The following TMEM132B variants were observed in gnomAD, a reference collection of about 807,000 sequenced individuals.
TMEM132B encodes transmembrane protein 132B.
A neutral mutation model predicts 90.8 loss-of-function variants in TMEM132B; 18 were observed. The observed-to-expected ratio is 0.20, with a 90% CI of 0.14 to 0.29. The LOEUF (loss-of-function observed/expected upper bound fraction) is 0.29, where lower values mean the gene tolerates loss of function less well. Ranked by LOEUF, TMEM132B falls within the 10% of genes least tolerant of loss-of-function variation. The pLI, the probability that TMEM132B is intolerant of heterozygous loss-of-function variation, is 1.00. For missense variants in TMEM132B, 1,096 were observed against 1,326.8 expected (o/e 0.83, Z 2.70); for synonymous variants, 504 against 523.3 (o/e 0.96, Z 0.50).
At chr12:125,525,994 A>G (rs1883445263) in intron 4 of TMEM132B, among the ~76,000 whole-genome samples, 1 of 152,200 alleles carries the variant, frequency 6.6e-6, no homozygotes, top group Non-Finnish European at 1.5e-5. Flanking sequence ...GCACAGGGCT[A>G]TTCCTGCTTT....
chr12:125,657,642 T>G lies in TMEM132B; in HGVS notation c.*2932T>G, dbSNP rs1175619066. 2.0e-5 allele frequency: 3 copies of G among 152,164 alleles called. No individual in the cohort carries two copies. The highest frequency in any genetic ancestry group is 7.2e-5 in the African/African-American group (3 of 41,444). The allele number at this position is 152,164 out of a possible 1,614,324, so 9.4% of individuals were successfully genotyped here. ...ATGAAATCTAATTTTCTGGGGACCA[T>G]GCATTTGCCTGGATTTTCCAGGATT... is the stretch of plus-strand genomic sequence containing the variant. On this transcript the variant is annotated 3_prime_UTR_variant, in exon 9 of 9. Transcript: ENST00000682704.
intron 3 of TMEM132B, among the ~76,000 whole-genome samples, chr12:125,496,895 A>G (rs977458667): frequency 6.6e-6 from 1 of 152,228 alleles, no homozygotes; most frequent in Non-Finnish European, 1.5e-5. Flanking sequence ...AGTGCTTTTC[A>G]TAACAAGCAT....
At chr12:125,294,448 G>A (rs1875617687) in intron 1 of TMEM132B, among the ~76,000 whole-genome samples, 1 of 152,216 alleles carries the variant, frequency 6.6e-6, no homozygotes, top group East Asian at 1.9e-4. Flanking sequence ...ATTATGCATG[G>A]AGATGTTCAT....
intron 1 of TMEM132B, among the ~76,000 whole-genome samples, chr12:125,272,297 G>T (rs1874860695): frequency 6.6e-6 from 1 of 152,214 alleles, no homozygotes; most frequent in Non-Finnish European, 1.5e-5. Context: ...TGTTGCATTT[G>T]CAGAAAAGCC....
chr12:125,338,140 A>G (rs1877036443), intron 1 of TMEM132B, among the ~76,000 whole-genome samples: 1 of 152,292 alleles, frequency 6.6e-6, no homozygotes, highest in South Asian at 2.1e-4. Flanking sequence ...TTTATTTCCT[A>G]CTTACTTTGG....
At position 125,651,274 on chromosome 12, in the gene TMEM132B, G is replaced by A. The variant is rs141815075; in HGVS notation, c.1914+321G>A. 2.2e-3 allele frequency among the ~76,000 whole-genome samples: 328 copies of A among 152,234 alleles called. 3 individuals are homozygous for A. Among genetic ancestry groups the A allele is most frequent in the African/African-American group, 7.3e-3 (304 of 41,546 alleles). ...TCCCCAACATCATATTCTCCATTTTGTGTATCACCAATAGAAGGTGGTTAT... is the reference window on the plus strand; with the variant it reads ...TCCCCAACATCATATTCTCCATTTTATGTATCACCAATAGAAGGTGGTTAT... On this transcript the variant is annotated intron_variant, in intron 7 of 8. Transcript: ENST00000682704.
intron 1 of TMEM132B, among the ~76,000 whole-genome samples, chr12:125,243,022 TATATATATATAC>T (rs1874112671): frequency 4.2e-5 from 6 of 141,618 alleles, no homozygotes; most frequent in Admixed American, 3.6e-4. Flanking sequence ...TATATATATA[TATATATATATAC>T]ACACACACAC....
chr12:125,623,952 A>G (rs983234452), intron 5 of TMEM132B, among the ~76,000 whole-genome samples: 3 of 152,206 alleles, frequency 2.0e-5, no homozygotes, highest in African/African-American at 7.2e-5. Context: ...TTCAGTGCCA[A>G]GATGTTAAGA....
At chr12:125,557,801 C>G (rs760476973) in intron 4 of TMEM132B, among the ~76,000 whole-genome samples, 1 of 151,972 alleles carries the variant, frequency 6.6e-6, no homozygotes, top group African/African-American at 2.4e-5. Context: ...ACTGGCTGTC[C>G]GAGTGGCTAA....
At chr12:125,272,061 C>T (rs1010057309) in intron 1 of TMEM132B, among the ~76,000 whole-genome samples, 5 of 152,206 alleles carry the variant, frequency 3.3e-5, no homozygotes, top group African/African-American at 4.8e-5. Flanking sequence ...TGCTGTCTCC[C>T]GTCTAACAAG....
At chr12:125,626,239 T>A (rs981238250) in intron 5 of TMEM132B, among the ~76,000 whole-genome samples, 1 of 152,224 alleles carries the variant, frequency 6.6e-6, no homozygotes, top group African/African-American at 2.4e-5. Flanking sequence ...CTTTTGGTTT[T>A]CACCAGTTTA....
intron 4 of TMEM132B, among the ~76,000 whole-genome samples, chr12:125,560,681 C>T (rs192025368): frequency 8.2e-4 from 124 of 151,736 alleles, no homozygotes; most frequent in South Asian, 1.7e-3. Context: ...AAAAATTAGC[C>T]GGGCGCGGTG....
chr12:125,271,473 C>G (rs118117612), intron 1 of TMEM132B, among the ~76,000 whole-genome samples: 2,498 of 152,186 alleles, frequency 0.016, 38 homozygotes, highest in Non-Finnish European at 0.026. Context: ...ATTCTTGACC[C>G]TTGGTATTTG....
At chr12:125,550,292 C>T (rs970753304) in intron 4 of TMEM132B, among the ~76,000 whole-genome samples, 3 of 152,326 alleles carry the variant, frequency 2.0e-5, no homozygotes, top group Non-Finnish European at 4.4e-5. Context: ...TCTGTTTGTT[C>T]CTTGGGTACT....
At chr12:125,601,610 AG>A (rs1378785593) in intron 5 of TMEM132B, among the ~76,000 whole-genome samples, 1 of 152,190 alleles carries the variant, frequency 6.6e-6, no homozygotes, top group Non-Finnish European at 1.5e-5. Flanking sequence ...GAAATAACTA[AG>A]ATCAGAGCAG....
chr12:125,461,082 G>A lies in TMEM132B; in HGVS notation c.1106+45405G>A, dbSNP rs142531637. Among the ~76,000 whole-genome samples, 144 of 152,350 alleles carry A rather than the reference G, an allele frequency of 9.5e-4. 1 individual carries two copies. The East Asian group carries it at 0.02, about 22-fold the overall frequency. On this transcript the variant is annotated intron_variant, in intron 3 of 8. Coordinates refer to ENST00000682704, the MANE Select transcript of TMEM132B (RefSeq NM_001366854.1). ...GTATTTGAATAATAAAGATGTTCAGGAAGGTGATCTCAGTGAGAAATAATA... is the reference window on the plus strand; with the variant it reads ...GTATTTGAATAATAAAGATGTTCAGAAAGGTGATCTCAGTGAGAAATAATA...
chr12:125,341,339 A>G (rs4376961), intron 1 of TMEM132B, among the ~76,000 whole-genome samples: 47,870 of 152,068 alleles, frequency 0.31, 7,740 homozygotes, highest in South Asian at 0.43. Context: ...AAGTTAATAC[A>G]TATAAAATGC....
intron 3 of TMEM132B, among the ~76,000 whole-genome samples, chr12:125,515,436 TACAC>T (rs1309265017): frequency 4.0e-5 from 5 of 124,488 alleles, no homozygotes; most frequent in South Asian, 5.5e-4. Flanking sequence ...CTCTCACACA[TACAC>T]ACATTCACAC....
rs569643791 is a variant in TMEM132B, at chr12:125,620,333, G to A, written c.1438-23743G>A. On this transcript the variant is annotated intron_variant, in intron 5 of 8. Coordinates refer to ENST00000682704, the MANE Select transcript of TMEM132B (RefSeq NM_001366854.1). ...TCTTGCTTGGGACAAAGCTGAGTAGGCAGAGCTGAATTGGCCTTTCCCAAA... is the reference window on the plus strand; with the variant it reads ...TCTTGCTTGGGACAAAGCTGAGTAGACAGAGCTGAATTGGCCTTTCCCAAA... Among the ~76,000 whole-genome samples the A allele has an allele frequency of 1.5e-3, 222 of 152,312 alleles. 1 individual carries two copies. The highest frequency in any genetic ancestry group is 4.8e-3 in the African/African-American group (199 of 41,568).
Sources: gnomAD v4.1 joint callset for allele counts (sites outside exome capture counted in the v4.1 genomes callset) on GRCh38, gnomAD v4.1.1 for gene constraint, MANE v1.5 for transcripts, NCBI Gene and HGNC (gene_info 2026-07-23, HGNC 2026-07-21) for gene names.